Variants in CFAP61 observed in about 807,000 individuals in gnomAD.
CFAP61 encodes cilia- and flagella-associated protein 61.
In CFAP61, 107 loss-of-function variants were observed where a neutral mutation model predicts 135.6. The ratio of observed to expected loss-of-function variants is 0.79; its 90% CI spans 0.67 to 0.93. The LOEUF (loss-of-function observed/expected upper bound fraction) is 0.93. Among genes scored for constraint, CFAP61 ranks in the 40% least tolerant of loss-of-function variants. CFAP61 has a pLI of 0.00. For missense variants in CFAP61, 1,507 were observed against 1,556.2 expected (o/e 0.97, Z 0.53); for synonymous variants, 575 against 578.5 (o/e 0.99, Z 0.09).
At chr20:20,124,173 C>T (rs58910532) in intron 8 of CFAP61, among the ~76,000 whole-genome samples, 29 of 151,404 alleles carry the variant, frequency 1.9e-4, no homozygotes, top group Non-Finnish European at 4.1e-4. Flanking sequence ...AAACAATCAT[C>T]TCATTGGTAA....
intron 7 of CFAP61, among the ~76,000 whole-genome samples, chr20:20,092,303 G>A (rs2047259059): frequency 6.6e-6 from 1 of 152,176 alleles, no homozygotes; most frequent in East Asian, 1.9e-4. Context: ...GAAAGTCTAT[G>A]TAAAAATTGG....
At chr20:20,090,111 G>A (rs1352943575) in intron 6 of CFAP61, among the ~76,000 whole-genome samples, 3 of 152,164 alleles carry the variant, frequency 2.0e-5, no homozygotes, top group African/African-American at 4.8e-5. Flanking sequence ...TCCTTGGGAA[G>A]TGCTGCCCCT....
At chr20:20,217,108 C>A (rs2048090879) in intron 17 of CFAP61, among the ~76,000 whole-genome samples, 3 of 152,178 alleles carry the variant, frequency 2.0e-5, no homozygotes, top group Non-Finnish European at 4.4e-5. Flanking sequence ...TGACCAAATT[C>A]CTTTGAACTT....
chr20:20,302,259 G>A (rs537883564), intron 25 of CFAP61, among the ~76,000 whole-genome samples: 24 of 152,250 alleles, frequency 1.6e-4, no homozygotes, highest in African/African-American at 4.1e-4. Flanking sequence ...TAGATTTTCC[G>A]AGTAGAAAAA....
At chr20:20,257,420 G>A (rs189490931) in intron 20 of CFAP61, among the ~76,000 whole-genome samples, 1 of 152,190 alleles carries the variant, frequency 6.6e-6, no homozygotes, top group East Asian at 1.9e-4. Context: ...TTCGAGACCA[G>A]CCTGACCAAC....
At chr20:20,319,970 G>A (rs888283419) in intron 25 of CFAP61, among the ~76,000 whole-genome samples, 1 of 152,042 alleles carries the variant, frequency 6.6e-6, no homozygotes, top group Non-Finnish European at 1.5e-5. Context: ...GTCTGACTAG[G>A]ACTGTTGATC....
At chr20:20,299,739 T>C (rs921514475) in intron 25 of CFAP61, among the ~76,000 whole-genome samples, 1 of 152,252 alleles carries the variant, frequency 6.6e-6, no homozygotes, top group Non-Finnish European at 1.5e-5. Context: ...TTGTTCTCCC[T>C]GCTGTGTGGT....
intron 3 of CFAP61, among the ~76,000 whole-genome samples, chr20:20,071,415 T>C (rs1456326487): frequency 6.6e-6 from 1 of 152,198 alleles, no homozygotes; most frequent in African/African-American, 2.4e-5. Flanking sequence ...CATTCTATAA[T>C]TTTCAAAGTG....
At position 20,336,625 on chromosome 20, in the gene CFAP61, T is replaced by TAA. The variant is rs35891459; in HGVS notation, c.3423-5192_3423-5191dup. Among the ~76,000 whole-genome samples the TAA allele has an allele frequency of 7.3e-3, 1,071 of 146,268 alleles. 14 individuals are homozygous for TAA. Among genetic ancestry groups the TAA allele is most frequent in the African/African-American group, 0.026 (1,018 of 39,408 alleles). ...GGGTGACAAAGCAACAACCTGTCTC[T>TAA]AAAAAAAAAAAAAAATTTTAAGAAA... On this transcript the variant is annotated intron_variant, in intron 25 of 26. Coordinates refer to ENST00000245957, the MANE Select transcript of CFAP61 (RefSeq NM_015585.4).
intron 8 of CFAP61, among the ~76,000 whole-genome samples, chr20:20,106,043 T>C (rs1418311383): frequency 1.7e-5 from 2 of 119,328 alleles, no homozygotes; most frequent in Non-Finnish European, 3.2e-5. Flanking sequence ...TATATATATA[T>C]ATATATAAAA....
chr20:20,168,617 TAATTTAAATG>T (rs898172937), intron 12 of CFAP61, among the ~76,000 whole-genome samples: 2 of 152,244 alleles, frequency 1.3e-5, no homozygotes, highest in South Asian at 2.1e-4. Flanking sequence ...TCCATTTTTT[TAATTTAAATG>T]AATTTAAATG....
chr20:20,263,665 G>A (rs1433950944), intron 21 of CFAP61, among the ~76,000 whole-genome samples: 2 of 152,114 alleles, frequency 1.3e-5, no homozygotes, highest in African/African-American at 4.8e-5. Context: ...AAATGCCTCT[G>A]CCACTCAAAA....
intron 2 of CFAP61, among the ~76,000 whole-genome samples, chr20:20,062,465 GCAAGAACAGTCGAATCAACT>G (rs2044878560): frequency 6.6e-6 from 1 of 152,130 alleles, no homozygotes; most frequent in Non-Finnish European, 1.5e-5. Flanking sequence ...ACCTCTAAGA[GCAAGAACAGTCGAATCAACT>G]CAAGGAAAAC....
At chr20:20,156,672 T>C (rs527922228) in intron 9 of CFAP61, among the ~76,000 whole-genome samples, 2 of 152,240 alleles carry the variant, frequency 1.3e-5, no homozygotes, top group South Asian at 2.1e-4. Context: ...ATAACTAATA[T>C]ATAAAAAATT....
chr20:20,139,271 A>G (rs1376075408), intron 8 of CFAP61, among the ~76,000 whole-genome samples: 2 of 152,226 alleles, frequency 1.3e-5, no homozygotes. Context: ...ATGCAAAATG[A>G]TGAATGTGGC....
At chr20:20,348,964 A>G (rs560933759) in intron 26 of CFAP61, among the ~76,000 whole-genome samples, 1 of 152,284 alleles carries the variant, frequency 6.6e-6, no homozygotes, top group South Asian at 2.1e-4. Context: ...TTCACCACTT[A>G]TATTCAGCAT....
intron 13 of CFAP61, among the ~76,000 whole-genome samples, chr20:20,186,864 C>T (rs1175067580): frequency 2.6e-5 from 4 of 152,114 alleles, no homozygotes. Context: ...TAATAATACC[C>T]TAGTAACTGC....
chr20:20,248,744 C>A (rs1016215859), intron 19 of CFAP61, among the ~76,000 whole-genome samples: 1 of 152,182 alleles, frequency 6.6e-6, no homozygotes, highest in Admixed American at 6.5e-5. Flanking sequence ...TCCACTGACT[C>A]ATCTGTGGCC....
chr20:20,063,892 T>C (rs1450740402), intron 2 of CFAP61, among the ~76,000 whole-genome samples: 1 of 152,176 alleles, frequency 6.6e-6, no homozygotes, highest in African/African-American at 2.4e-5. Context: ...ATACTAACAA[T>C]GAACAGAAAA....
Sources: gnomAD v4.1 joint callset for allele counts (sites outside exome capture counted in the v4.1 genomes callset) on GRCh38, gnomAD v4.1.1 for gene constraint, MANE v1.5 for transcripts, NCBI Gene and HGNC (gene_info 2026-07-23, HGNC 2026-07-21) for gene names.